Variants in ARHGAP33 observed in about 807,000 individuals in gnomAD.
The protein encoded by ARHGAP33 is rho GTPase-activating protein 33.
Under a neutral mutation model 126.2 loss-of-function variants are expected in ARHGAP33, and 57 were observed. The ratio of observed to expected loss-of-function variants is 0.45; its 90% CI spans 0.36 to 0.56. The LOEUF is 0.56. Among genes scored for constraint, ARHGAP33 ranks in the 20% least tolerant of loss-of-function variants. ARHGAP33 has a pLI of 0.00. For synonymous variants in ARHGAP33, 711 were observed against 755.0 expected, an observed-to-expected ratio of 0.94 and a Z score of 0.95; for missense variants, 1,500 against 1,748.3, an observed-to-expected ratio of 0.86 and a Z score of 2.53.
rs762565656 is a variant in ARHGAP33, at chr19:35,788,225, T to C, written c.3660T>C (p.His1220=). Residue 1220 remains histidine (H), a synonymous_variant, in exon 21 of 21, where the codon CAT becomes CAC. Transcript: ENST00000007510. The part of the protein sequence containing the change: ...QRAPWGPRTP[H]RVPGPWGPPE... ...CACCCTGGGGACCCCGTACCCCTCA[T>C]AGGGTGCCGGGTCCCTGGGGCCCTC... The C allele has an allele frequency of 7.4e-5, 112 of 1,520,730 alleles. No homozygotes were observed. The highest frequency in any genetic ancestry group is 9.9e-5 in the Non-Finnish European group (111 of 1,124,212). 94.2% of individuals were successfully genotyped at this position (1,520,730 alleles called of 1,614,324 possible).
chr19:35,787,152 C>G lies in ARHGAP33; in HGVS notation c.2603-16C>G. ...GGCCTGGCCCCAGCTGAACCCCTCT[C>G]CATTCATTTATATAGGTCCTGATAT... On this transcript the variant is annotated splice_polypyrimidine_tract_variant and intron_variant, in intron 20 of 20. Transcript: ENST00000007510. The G allele has an allele frequency of 1.2e-6, 2 of 1,608,304 alleles. No individual in the cohort carries two copies. The highest frequency in any genetic ancestry group is 2.7e-5 in the African/African-American group (2 of 74,678).
chr19:35,786,272 A>G lies in ARHGAP33; in HGVS notation c.1943-141A>G. On this transcript the variant is annotated intron_variant, in intron 19 of 20. Coordinates refer to ENST00000007510, the MANE Select transcript of ARHGAP33 (RefSeq NM_001366178.1). This position sits in a 1 kb window ranked among gnomAD's most constrained non-coding sequence, Gnocchi z 7.0. Reference sequence around the variant, plus strand: ...CGGAAGTGTCCTCTTCATGGTCTCCACTGTCAATCTGAACAGCTCTTCCTG... The same window carrying G: ...CGGAAGTGTCCTCTTCATGGTCTCCGCTGTCAATCTGAACAGCTCTTCCTG... The G allele has an allele frequency of 7.0e-7, 1 of 1,430,490 alleles. No individual in the cohort carries two copies. The highest frequency in any genetic ancestry group is 9.1e-7 in the Non-Finnish European group (1 of 1,096,850). 88.6% of individuals were successfully genotyped at this position (1,430,490 alleles called of 1,614,324 possible).
At chr19:35,784,078 CA>C in intron 15 of ARHGAP33, 93 bp from the exon 16 acceptor site, 1 of 1,089,884 alleles carries the variant, frequency 9.2e-7, no homozygotes. Context: ...GTTGAATAGA[CA>C]GTCACTGCCT....
At chr19:35,777,419 G>A (rs59549170) in intron 1 of ARHGAP33, among the ~76,000 whole-genome samples, 3,654 of 152,088 alleles carry the variant, frequency 0.024, 135 homozygotes, top group African/African-American at 0.083. Context: ...CTGTTGCCCC[G>A]CCTCACGTCT....
intron 1 of ARHGAP33, 117 bp from the exon 2 acceptor site, chr19:35,777,528 A>G: frequency 1.3e-6 from 1 of 787,836 alleles, no homozygotes; most frequent in Non-Finnish European, 2.1e-6. Flanking sequence ...ATCCTGCTTC[A>G]TGCTCAGGGC....
chr19:35,788,430 G>A lies in ARHGAP33; in HGVS notation c.*1G>A, dbSNP rs1972244631. The A allele has an allele frequency of 1.3e-6, 2 of 1,539,422 alleles. No homozygotes were observed. Among genetic ancestry groups the A allele is most frequent in the Non-Finnish European group, 1.8e-6 (2 of 1,141,286 alleles). On this transcript the variant is annotated 3_prime_UTR_variant, in exon 21 of 21. Coordinates refer to ENST00000007510, the MANE Select transcript of ARHGAP33 (RefSeq NM_001366178.1). ...GGGCCAGACCCGAAGCTACTGCTGA[G>A]CACCAGCTGGGAGGGGCCGTCCTTC... is the stretch of plus-strand genomic sequence containing the variant.
At chr19:35,781,555 T>C (rs748290983) in intron 12 of ARHGAP33, among the ~76,000 whole-genome samples, 6 of 151,922 alleles carry the variant, frequency 3.9e-5, no homozygotes, top group Non-Finnish European at 5.9e-5. Flanking sequence ...AGGGGAGGGA[T>C]AGAGTTCACC....
intron 6 of ARHGAP33, among the ~76,000 whole-genome samples, chr19:35,779,543 C>T (rs1971638420): frequency 6.6e-6 from 1 of 152,126 alleles, no homozygotes; most frequent in Admixed American, 6.5e-5. Context: ...GATTCTTTTG[C>T]CTCAGCCTCC....
Position 35,786,814 on chromosome 19 carries a change from CG to C in ARHGAP33, c.2349del (p.Thr785ProfsTer9), listed in dbSNP as rs1568432363. 1.3e-6 allele frequency: 2 copies of C among 1,534,950 alleles called. No individual in the cohort carries two copies. Among genetic ancestry groups the C allele is most frequent in the Non-Finnish European group, 1.7e-6 (2 of 1,143,960 alleles). ...GGTGACCCCCCAGGCCATCTCGCCC[CG>C]GGGGCCCACCAGCCCCGCCTCGCCT... ...PRVTPQAISP[R>X]GPTSPASPAA... On this transcript the variant is annotated frameshift_variant, in exon 20 of 21. Coordinates refer to ENST00000007510, the MANE Select transcript of ARHGAP33 (RefSeq NM_001366178.1). LOFTEE classifies it high-confidence loss of function. The surrounding 1 kb of genome is among the most constrained non-coding windows in gnomAD (Gnocchi z 7.0).
Position 35,786,021 on chromosome 19 carries a change from T to TGGAGGGACTCC in ARHGAP33, c.1943-390_1943-389insAGGGACTCCGG. On this transcript the variant is annotated intron_variant, in intron 19 of 20. Coordinates refer to ENST00000007510, the MANE Select transcript of ARHGAP33 (RefSeq NM_001366178.1). The surrounding 1 kb of genome is among the most constrained non-coding windows in gnomAD (Gnocchi z 7.0). The stretch of plus-strand genomic sequence containing the variant: ...GCTACCTCACAGCCCGCCGCGCTGC[T>TGGAGGGACTCC]GGGTGCTGCTCTCCGACCTCTGCGG... 8.9e-7 allele frequency: 1 copy of TGGAGGGACTCC among 1,123,020 alleles called. No homozygotes were observed. The highest frequency in any genetic ancestry group is 3.1e-5 in the South Asian group (1 of 32,012). The allele number at this position is 1,123,020 out of a possible 1,614,324, so 69.6% of individuals were successfully genotyped here.
At chr19:35,785,572 A>T (rs1257966786) in intron 19 of ARHGAP33, 89 bp downstream of exon 19, 1 of 1,585,188 alleles carries the variant, frequency 6.3e-7, no homozygotes, top group Non-Finnish European at 8.6e-7. Flanking sequence ...CAAATTTTAT[A>T]CTTCACATTT....
Position 35,787,787 on chromosome 19 carries a change from C to G in ARHGAP33, c.3222C>G (p.Gly1074=), listed in dbSNP as rs769143242. 1.2e-5 allele frequency: 19 copies of G among 1,577,968 alleles called. No individual in the cohort carries two copies. In the East Asian group the frequency reaches 1.3e-4, roughly 11 times the overall value. ...CCCCAGTCTGGAGGAGCTCTCTGGGCCCCCCTGCACCACTCGACAGGGGAG... is the reference window on the plus strand; with the variant it reads ...CCCCAGTCTGGAGGAGCTCTCTGGGGCCCCCTGCACCACTCGACAGGGGAG... ...SPAPVWRSSL[G]PPAPLDRGEN... Residue 1074 remains glycine (G), a synonymous_variant, in exon 21 of 21, where the codon GGC becomes GGG. Transcript: ENST00000007510.
At chr19:35,787,105 G>C (rs764047783) in intron 20 of ARHGAP33, 33 bp downstream of exon 20, 25 of 1,597,350 alleles carry the variant, frequency 1.6e-5, no homozygotes, top group Non-Finnish European at 2.0e-5. Context: ...CCCTGTCCCC[G>C]CCAGCTGTCA....
intron 12 of ARHGAP33, among the ~76,000 whole-genome samples, chr19:35,781,929 A>AG (rs990279669): frequency 6.6e-6 from 1 of 151,718 alleles, no homozygotes; most frequent in African/African-American, 2.4e-5. Context: ...TGAAGCCTGC[A>AG]GGGGGGTGGC....
rs772421966 is a variant in ARHGAP33 at position 35,777,916 on chromosome 19, G to A, written c.189+8G>A. On this transcript the variant is annotated splice_region_variant and intron_variant, in intron 3 of 20. Transcript: ENST00000007510. ...GACTTTGGCCACATTCAGGTATGGG[G>A]GCTTTGCATTTGCACCCAGGAGGGA... The A allele has an allele frequency of 3.1e-6, 5 of 1,613,730 alleles. No individual in the cohort carries two copies. Among genetic ancestry groups the A allele is most frequent in the African/African-American group, 1.3e-5 (1 of 74,904 alleles).
rs765863567 is a variant in ARHGAP33 at position 35,785,432 on chromosome 19, CTG to C, written c.1892_1893del (p.Leu631GlnfsTer59). The C allele has an allele frequency of 6.2e-7, 1 of 1,614,206 alleles. No homozygotes were observed. Among genetic ancestry groups the C allele is most frequent in the Non-Finnish European group, 8.5e-7 (1 of 1,180,016 alleles). ...AGGCAGCAGACCCGACACCGTCACACTGAGATCTGCCAAGAGCGAGGAGTCTC... is the reference window on the plus strand; with the variant it reads ...AGGCAGCAGACCCGACACCGTCACACAGATCTGCCAAGAGCGAGGAGTCTC... Reference protein sequence around the residue: ...PSGSRPDTVTLRSAKSEESLS... With the variant: ...PSGSRPDTVTXRSAKSEESLS... On this transcript the variant is annotated frameshift_variant, in exon 19 of 21. Coordinates refer to ENST00000007510, the MANE Select transcript of ARHGAP33 (RefSeq NM_001366178.1). LOFTEE classifies it high-confidence loss of function.
Position 35,786,608 on chromosome 19 carries a change from G to T in ARHGAP33, c.2138G>T (p.Arg713Leu). 6.5e-7 allele frequency: 1 copy of T among 1,535,766 alleles called. No individual in the cohort carries two copies. The highest frequency in any genetic ancestry group is 1.2e-5 in the South Asian group (1 of 84,054). Reference protein sequence around the residue: ...LGALSGSPSHRTSAWLDDGDE... With the variant: ...LGALSGSPSHLTSAWLDDGDE... ...GCACTCTCTGGGTCTCCCTCACACC[G>T]TACCTCAGCCTGGCTAGATGATGGT... The change falls in exon 20 of 21, where the codon CGT becomes CTT. Residue 713 changes from arginine (R) to leucine (L), a missense_variant. By Grantham distance (102) the Arg-to-Leu change is moderately radical (BLOSUM62 -2). This residue lies in a region of ARHGAP33 where 300 missense variants were observed against 291.1 expected (regional missense o/e 1.03). Transcript: ENST00000007510. The surrounding 1 kb of genome is among the most constrained non-coding windows in gnomAD (Gnocchi z 7.0).
chr19:35,778,133 C>G lies in ARHGAP33; in HGVS notation c.190-147C>G. 1 of 877,844 alleles carries G rather than the reference C, an allele frequency of 1.1e-6. No homozygotes were observed. The highest frequency in any genetic ancestry group is 1.8e-6 in the Non-Finnish European group (1 of 563,722). The allele number at this position is 877,844 out of a possible 1,614,324, so 54.4% of individuals were successfully genotyped here. A position where few individuals can be genotyped will look rare whatever the true frequency, so the allele number is the denominator to read the frequency against. The stretch of plus-strand genomic sequence containing the variant: ...TTCAACAACAACTTTTGTTAGGTAT[C>G]TGCTCTATGTCAGGGACCAGGACAT... On this transcript the variant is annotated intron_variant, in intron 3 of 20. Coordinates refer to ENST00000007510, the MANE Select transcript of ARHGAP33 (RefSeq NM_001366178.1).
chr19:35,779,711 G>A (rs774168606), intron 6 of ARHGAP33: 4 of 342,646 alleles, frequency 1.2e-5, no homozygotes, highest in African/African-American at 4.3e-5. Context: ...TTATAGGCAT[G>A]AGCCACTGTG....
Sources: allele counts gnomAD v4.1 joint callset (sites outside exome capture counted in the v4.1 genomes callset), GRCh38; gene constraint gnomAD v4.1.1; regional missense constraint gnomAD v4.1.1; non-coding constraint Gnocchi (gnomAD v3.1); transcripts MANE v1.5; gene names NCBI Gene and HGNC (gene_info 2026-07-23, HGNC 2026-07-21).